The following LSAMP variants were observed in gnomAD, a reference collection of about 807,000 sequenced individuals.
The protein encoded by LSAMP is limbic system-associated membrane protein.
LSAMP carries 7 observed loss-of-function variants against 38.6 expected under a neutral mutation model. That is an observed-to-expected ratio of 0.18 (90% confidence interval 0.10 to 0.34). LSAMP has a LOEUF of 0.34. Ranked by LOEUF, LSAMP falls within the 10% of genes least tolerant of loss-of-function variation. The pLI, the probability that LSAMP is intolerant of heterozygous loss-of-function variation, is 1.00. For synonymous variants in LSAMP, 154 were observed against 166.8 expected (o/e 0.92, Z 0.59); for missense variants, 313 against 420.0 (o/e 0.75, Z 2.23).
intron 1 of LSAMP, among the ~76,000 whole-genome samples, chr3:116,096,848 T>G (rs767765900): frequency 2.0e-5 from 3 of 152,222 alleles, no homozygotes; most frequent in Admixed American, 2.0e-4. Context: ...CCTCAGTGAC[T>G]GAGTGGCAAT....
intron 1 of LSAMP, among the ~76,000 whole-genome samples, chr3:116,385,709 T>G (rs2048617794): frequency 6.6e-6 from 1 of 152,180 alleles, no homozygotes; most frequent in African/African-American, 2.4e-5. Flanking sequence ...GGTCTGCTTA[T>G]TTTTAAATAT....
intron 1 of LSAMP, among the ~76,000 whole-genome samples, chr3:116,281,807 T>C (rs146270453): frequency 3.3e-5 from 5 of 152,342 alleles, no homozygotes; most frequent in East Asian, 3.9e-4. Flanking sequence ...AAAGTTTCTG[T>C]GGCTGTTGGG....
At chr3:115,812,619 G>A (rs1933874802) in intron 6 of LSAMP, among the ~76,000 whole-genome samples, 2 of 152,078 alleles carry the variant, frequency 1.3e-5, no homozygotes, top group Admixed American at 6.6e-5. Flanking sequence ...GAGCTCCTTG[G>A]CATGTTTGGT....
chr3:116,435,403 C>T (rs934550058), intron 1 of LSAMP, among the ~76,000 whole-genome samples: 2 of 152,138 alleles, frequency 1.3e-5, no homozygotes, highest in Non-Finnish European at 2.9e-5. Context: ...CCGTGTCACC[C>T]CTGCCTGCCT....
chr3:115,925,947 G>C (rs1410142892), intron 3 of LSAMP, among the ~76,000 whole-genome samples: 1 of 151,854 alleles, frequency 6.6e-6, no homozygotes, highest in Non-Finnish European at 1.5e-5. Context: ...AGATCCAAAG[G>C]GAAAAACAAT....
intron 1 of LSAMP, among the ~76,000 whole-genome samples, chr3:116,249,632 C>T (rs2046653335): frequency 6.6e-6 from 1 of 152,020 alleles, no homozygotes; most frequent in Non-Finnish European, 1.5e-5. Flanking sequence ...GATCCGCCCG[C>T]CTCAGCCTCC....
In LSAMP at chr3:116,175,055, T is replaced by C. The variant is rs546308103; in HGVS notation, c.156-88499A>G. Among the ~76,000 whole-genome samples, 3 of 152,262 alleles carry C rather than the reference T, an allele frequency of 2.0e-5. No homozygotes were observed. The East Asian group carries it at 5.8e-4, about 29-fold the overall frequency. On this transcript the variant is annotated intron_variant, in intron 1 of 6. Coordinates refer to ENST00000490035, the MANE Select transcript of LSAMP (RefSeq NM_002338.5). Reference sequence around the variant, plus strand: ...TGTAAGAATTCTTCTTTAATAAATATATTCACCACTGGAATTGTTCTTTAA... The same window carrying C: ...TGTAAGAATTCTTCTTTAATAAATACATTCACCACTGGAATTGTTCTTTAA...
chr3:116,014,278 T>C (rs148771890), intron 3 of LSAMP, among the ~76,000 whole-genome samples: 44 of 152,294 alleles, frequency 2.9e-4, no homozygotes, highest in Non-Finnish European at 5.1e-4. Flanking sequence ...CATGTCTGTC[T>C]TGCTCTTCCT....
intron 1 of LSAMP, among the ~76,000 whole-genome samples, chr3:116,178,446 G>A (rs1243194617): frequency 1.3e-5 from 2 of 152,154 alleles, no homozygotes; most frequent in African/African-American, 4.8e-5. Flanking sequence ...GGGATTACAG[G>A]CGTGAGCCAC....
intron 3 of LSAMP, among the ~76,000 whole-genome samples, chr3:115,926,801 C>T (rs1453681579): frequency 6.6e-6 from 1 of 152,122 alleles, no homozygotes; most frequent in Non-Finnish European, 1.5e-5. Flanking sequence ...AGTTTTACTC[C>T]CTCACTTCAC....
At chr3:115,925,524 T>C (rs538941441) in intron 3 of LSAMP, among the ~76,000 whole-genome samples, 4 of 152,190 alleles carry the variant, frequency 2.6e-5, no homozygotes, top group Non-Finnish European at 5.9e-5. Flanking sequence ...CCTATCTGTC[T>C]TGGTAATATT....
chr3:116,031,902 G>T (rs552617326), intron 2 of LSAMP, among the ~76,000 whole-genome samples: 3 of 151,868 alleles, frequency 2.0e-5, no homozygotes, highest in Non-Finnish European at 2.9e-5. Flanking sequence ...ATACATTCAC[G>T]TCAATTTTAA....
At chr3:115,915,998 G>A (rs1937243847) in intron 3 of LSAMP, among the ~76,000 whole-genome samples, 1 of 152,108 alleles carries the variant, frequency 6.6e-6, no homozygotes, top group African/African-American at 2.4e-5. Flanking sequence ...GCCTTGCAAA[G>A]GCCATCCTGT....
chr3:115,847,222 T>C (rs1935188082), intron 4 of LSAMP, among the ~76,000 whole-genome samples: 1 of 152,162 alleles, frequency 6.6e-6, no homozygotes. Flanking sequence ...TGAGCTTTAT[T>C]TTTGTCCTCT....
At chr3:116,180,569 T>C (rs1305794762) in intron 1 of LSAMP, among the ~76,000 whole-genome samples, 1 of 152,160 alleles carries the variant, frequency 6.6e-6, no homozygotes, top group Non-Finnish European at 1.5e-5. Context: ...TCTTATGATG[T>C]AATAAATTGC....
intron 1 of LSAMP, among the ~76,000 whole-genome samples, chr3:116,325,676 T>G (rs2047760752): frequency 1.3e-5 from 2 of 152,224 alleles, no homozygotes; most frequent in African/African-American, 4.8e-5. Flanking sequence ...CCTGAATTTA[T>G]AGCAGATATT....
chr3:116,178,598 G>GCTAA (rs1710409814), intron 1 of LSAMP, among the ~76,000 whole-genome samples: 1 of 152,150 alleles, frequency 6.6e-6, no homozygotes, highest in East Asian at 1.9e-4. Flanking sequence ...TACTATGAAT[G>GCTAA]CTAAGAAGGA....
intron 1 of LSAMP, among the ~76,000 whole-genome samples, chr3:116,227,370 G>T (rs2046353740): frequency 6.6e-6 from 1 of 152,136 alleles, no homozygotes; most frequent in African/African-American, 2.4e-5. Context: ...TATAGTATTT[G>T]TGGGTTAAGT....
chr3:116,061,045 C>T (rs1941585665), intron 2 of LSAMP, among the ~76,000 whole-genome samples: 1 of 151,980 alleles, frequency 6.6e-6, no homozygotes, highest in Non-Finnish European at 1.5e-5. Flanking sequence ...GAAATGTAAA[C>T]ATATAGAATG....
Sources: allele counts gnomAD v4.1 joint callset (sites outside exome capture counted in the v4.1 genomes callset), GRCh38; gene constraint gnomAD v4.1.1; transcripts MANE v1.5; gene names NCBI Gene and HGNC (gene_info 2026-07-23, HGNC 2026-07-21).